The following SLC1A1 variants were observed in gnomAD, a reference collection of about 807,000 sequenced individuals.
SLC1A1 encodes the protein solute carrier family 1 member 1, also known as excitatory amino acid transporter 3.
A neutral mutation model predicts 53.3 loss-of-function variants in SLC1A1; 43 were observed. The ratio of observed to expected loss-of-function variants is 0.81; its 90% CI spans 0.63 to 1.04. SLC1A1 has a LOEUF of 1.04. Ranked by LOEUF, SLC1A1 falls within the 50% of genes least tolerant of loss-of-function variation. The pLI is 0.00. For synonymous variants in SLC1A1, 307 were observed against 243.2 expected (o/e 1.26, Z -2.44); for missense variants, 748 against 664.9 (o/e 1.12, Z -1.37).
At chr9:4,567,282 G>T (rs954958840) in intron 5 of SLC1A1, among the ~76,000 whole-genome samples, 4 of 152,190 alleles carry the variant, frequency 2.6e-5, no homozygotes, top group African/African-American at 9.7e-5. Flanking sequence ...TGTTTGCTCA[G>T]ATTAAAAATC....
chr9:4,502,389 GAAAAAAAA>G (rs775499017), intron 1 of SLC1A1, among the ~76,000 whole-genome samples: 9 of 56,494 alleles, frequency 1.6e-4, no homozygotes, highest in Admixed American at 3.1e-4. Context: ...CCTGTCTCCA[GAAAAAAAA>G]AAAAAAAAAA....
At chr9:4,511,851 C>G (rs927911458) in intron 1 of SLC1A1, among the ~76,000 whole-genome samples, 1 of 152,084 alleles carries the variant, frequency 6.6e-6, no homozygotes, top group Non-Finnish European at 1.5e-5. Context: ...AATTTTAAGA[C>G]TAATAAGTGA....
At chr9:4,512,986 T>G (rs1821047243) in intron 1 of SLC1A1, among the ~76,000 whole-genome samples, 1 of 152,092 alleles carries the variant, frequency 6.6e-6, no homozygotes, top group African/African-American at 2.4e-5. Context: ...AGGATAGTCT[T>G]TCCAACAAAT....
At chr9:4,580,144 C>G (rs896098728) in intron 10 of SLC1A1, among the ~76,000 whole-genome samples, 2 of 151,394 alleles carry the variant, frequency 1.3e-5, no homozygotes, top group African/African-American at 4.9e-5. Context: ...AGTGGGCAGA[C>G]TGCTTGAGCC....
intron 10 of SLC1A1, among the ~76,000 whole-genome samples, chr9:4,577,532 G>A (rs552755141): frequency 6.6e-6 from 1 of 152,182 alleles, no homozygotes; most frequent in Non-Finnish European, 1.5e-5. Flanking sequence ...CTGGAGTGCA[G>A]TGGCACAATC....
At chr9:4,533,032 T>C (rs1028914265) in intron 1 of SLC1A1, among the ~76,000 whole-genome samples, 38 of 152,102 alleles carry the variant, frequency 2.5e-4, no homozygotes, top group Admixed American at 7.9e-4. Context: ...TTGTCACCAC[T>C]AGGCCTGCCT....
chr9:4,561,013 AAAC>A (rs869138304), intron 2 of SLC1A1, among the ~76,000 whole-genome samples: 46 of 141,760 alleles, frequency 3.2e-4, no homozygotes, highest in Non-Finnish European at 4.3e-4. Flanking sequence ...ACAAACAAAC[AAAC>A]AACAACAACA....
intron 1 of SLC1A1, among the ~76,000 whole-genome samples, chr9:4,500,719 T>G (rs1820602360): frequency 6.6e-6 from 1 of 152,224 alleles, no homozygotes. Flanking sequence ...GTAACACCTC[T>G]GTTAATAGAA....
chr9:4,505,795 T>C (rs1016628899), intron 1 of SLC1A1, among the ~76,000 whole-genome samples: 15 of 152,286 alleles, frequency 9.8e-5, no homozygotes, highest in African/African-American at 3.1e-4. Context: ...TAGCTGGGAT[T>C]ATAGGCATGT....
chr9:4,536,692 G>T (rs1816687193), intron 1 of SLC1A1, among the ~76,000 whole-genome samples: 1 of 152,086 alleles, frequency 6.6e-6, no homozygotes, highest in South Asian at 2.1e-4. Flanking sequence ...CCCATTACTG[G>T]GTATATACCC....
chr9:4,555,332 C>T (rs540374406), intron 2 of SLC1A1, among the ~76,000 whole-genome samples: 3 of 152,190 alleles, frequency 2.0e-5, no homozygotes, highest in Admixed American at 1.3e-4. Context: ...GATACCTTAA[C>T]AGCAATGTGG....
chr9:4,534,906 T>C (rs1403421917), intron 1 of SLC1A1, among the ~76,000 whole-genome samples: 4 of 152,030 alleles, frequency 2.6e-5, no homozygotes, highest in Non-Finnish European at 5.9e-5. Flanking sequence ...GTTCAACATA[T>C]GCAAATCAAT....
At chr9:4,585,260 G>A in intron 11 of SLC1A1, 52 bp from the exon 12 acceptor site, 1 of 1,609,988 alleles carries the variant, frequency 6.2e-7, no homozygotes, top group Non-Finnish European at 8.5e-7. Context: ...CTCCAGTGAT[G>A]AAGGAAAATG....
At chr9:4,581,888 G>A (rs138238080) in intron 10 of SLC1A1, among the ~76,000 whole-genome samples, 1 of 152,244 alleles carries the variant, frequency 6.6e-6, no homozygotes, top group Non-Finnish European at 1.5e-5. Flanking sequence ...TCAGTAGGCA[G>A]ATGAATGGGC....
intron 6 of SLC1A1, among the ~76,000 whole-genome samples, chr9:4,568,787 G>A (rs1299788051): frequency 6.6e-6 from 1 of 152,106 alleles, no homozygotes; most frequent in Non-Finnish European, 1.5e-5. Flanking sequence ...ATGTGCCTTA[G>A]GGAGAAAATT....
intron 2 of SLC1A1, among the ~76,000 whole-genome samples, chr9:4,547,127 T>C (rs970339787): frequency 1.3e-5 from 2 of 152,262 alleles, no homozygotes; most frequent in African/African-American, 4.8e-5. Context: ...CAAGTGAGTT[T>C]TGTTTTGGTT....
intron 1 of SLC1A1, 107 bp downstream of exon 1, chr9:4,490,877 C>G: frequency 1.1e-6 from 1 of 923,710 alleles, no homozygotes; most frequent in Non-Finnish European, 1.7e-6. Context: ...CATGCAGGGT[C>G]CCTCGATGCC....
chr9:4,531,644 A>C (rs1210818836), intron 1 of SLC1A1, among the ~76,000 whole-genome samples: 1 of 152,154 alleles, frequency 6.6e-6, no homozygotes, highest in Non-Finnish European at 1.5e-5. Context: ...GGCAGTGCCA[A>C]ACAAAAGGCA....
intron 1 of SLC1A1, among the ~76,000 whole-genome samples, chr9:4,505,608 T>TG (rs1820778647): frequency 6.6e-6 from 1 of 152,224 alleles, no homozygotes. Flanking sequence ...TTAGTTAGAA[T>TG]GAGGAAGACA....
Sources: gnomAD v4.1 joint callset for allele counts (sites outside exome capture counted in the v4.1 genomes callset) on GRCh38, gnomAD v4.1.1 for gene constraint, MANE v1.5 for transcripts, NCBI Gene and HGNC (gene_info 2026-07-23, HGNC 2026-07-21) for gene names.